Variants in MACROD2 observed in about 807,000 individuals in gnomAD.
The protein encoded by MACROD2 is ADP-ribose glycohydrolase MACROD2.
In MACROD2, 36 loss-of-function variants were observed where a neutral mutation model predicts 70.4. The observed-to-expected ratio is 0.51, with a 90% confidence interval of 0.39 to 0.68. The LOEUF (loss-of-function observed/expected upper bound fraction) is 0.68, where lower values mean the gene tolerates loss of function less well. MACROD2 is among the 30% of genes least tolerant of loss of function. MACROD2 has a pLI of 0.00. For missense variants in MACROD2, 496 were observed against 538.4 expected, an observed-to-expected ratio of 0.92 and a Z score of 0.78; for synonymous variants, 172 against 178.8, an observed-to-expected ratio of 0.96 and a Z score of 0.30.
At chr20:15,641,071 G>C (rs1000501083) in intron 8 of MACROD2, among the ~76,000 whole-genome samples, 4 of 152,220 alleles carry the variant, frequency 2.6e-5, no homozygotes, top group Non-Finnish European at 5.9e-5. Context: ...AATCTAGCCA[G>C]AGCAGGTATA....
intron 4 of MACROD2, among the ~76,000 whole-genome samples, chr20:14,653,767 C>A (rs1445847764): frequency 1.3e-5 from 2 of 152,138 alleles, no homozygotes; most frequent in Non-Finnish European, 2.9e-5. Flanking sequence ...TGCCTTTATT[C>A]TGGCTGCAGG....
chr20:14,577,251 A>G (rs1277417356), intron 4 of MACROD2, among the ~76,000 whole-genome samples: 1 of 152,240 alleles, frequency 6.6e-6, no homozygotes, highest in Non-Finnish European at 1.5e-5. Context: ...AGTATCTTAT[A>G]AATGAAATCC....
At chr20:14,268,488 A>G (rs1348143901) in intron 3 of MACROD2, among the ~76,000 whole-genome samples, 2 of 152,140 alleles carry the variant, frequency 1.3e-5, no homozygotes, top group Non-Finnish European at 2.9e-5. Flanking sequence ...TTTCTTGTAA[A>G]CAAGAAGTGA....
intron 8 of MACROD2, among the ~76,000 whole-genome samples, chr20:15,504,859 C>T (rs550522795): frequency 3.9e-5 from 6 of 152,240 alleles, no homozygotes. Context: ...GAAATGTGGC[C>T]TAGATTTCTA....
chr20:14,578,252 T>C (rs1461527308), intron 4 of MACROD2, among the ~76,000 whole-genome samples: 3 of 151,858 alleles, frequency 2.0e-5, no homozygotes, highest in East Asian at 3.9e-4. Flanking sequence ...AACATAAAAA[T>C]AATAAATATA....
intron 8 of MACROD2, among the ~76,000 whole-genome samples, chr20:15,585,618 C>T (rs2146656204): frequency 6.6e-6 from 1 of 152,328 alleles, no homozygotes; most frequent in African/African-American, 2.4e-5. Flanking sequence ...TCCAAGCTCT[C>T]TCCCCCAGGG....
intron 2 of MACROD2, among the ~76,000 whole-genome samples, chr20:14,049,183 A>ACC (rs1555913498): frequency 6.8e-6 from 1 of 146,120 alleles, no homozygotes; most frequent in African/African-American, 2.5e-5. Flanking sequence ...ATAAAAAAAA[A>ACC]AAAAAACAAA....
intron 3 of MACROD2, among the ~76,000 whole-genome samples, chr20:14,150,835 A>G (rs1166479558): frequency 3.9e-5 from 6 of 152,224 alleles, no homozygotes; most frequent in Non-Finnish European, 7.4e-5. Context: ...TGAATTTACC[A>G]GTACAGGAAA....
chr20:14,840,033 C>CTTTTTTTTTTTTTTTTTTTTTTTT (rs71190154), intron 5 of MACROD2, among the ~76,000 whole-genome samples: 1 of 142,492 alleles, frequency 7.0e-6, no homozygotes, highest in Non-Finnish European at 1.5e-5. Flanking sequence ...GTCTCCATGT[C>CTTTTTTTTTTTTTTTTTTTTTTTT]TTTTTTTTTT....
chr20:15,100,080 ATATT>A (rs2075860628), intron 5 of MACROD2, among the ~76,000 whole-genome samples: 1 of 151,832 alleles, frequency 6.6e-6, no homozygotes, highest in Admixed American at 6.6e-5. Flanking sequence ...TGACATTTGG[ATATT>A]TATTTATTTT....
intron 5 of MACROD2, among the ~76,000 whole-genome samples, chr20:15,191,180 CT>C (rs1286640301): frequency 6.6e-6 from 1 of 152,138 alleles, no homozygotes; most frequent in Non-Finnish European, 1.5e-5. Flanking sequence ...CTCTGGGCAA[CT>C]ATGTAGAATG....
intron 8 of MACROD2, among the ~76,000 whole-genome samples, chr20:15,659,081 A>G (rs1381572910): frequency 6.6e-6 from 1 of 152,194 alleles, no homozygotes; most frequent in Non-Finnish European, 1.5e-5. Context: ...AGGATGGAAT[A>G]TAGTGAGATA....
Position 16,052,949 on chromosome 20 carries a change from T to TTTAC in MACROD2, c.*3077_*3080dup, listed in dbSNP as rs1434914385. On this transcript the variant is annotated 3_prime_UTR_variant, in exon 18 of 18. Coordinates refer to ENST00000684519, the MANE Select transcript of MACROD2 (RefSeq NM_001351661.2). Reference sequence around the variant, plus strand: ...GTAATTTTCTTGATCAAGATATGTTTTTACTTAATGCAAATAAATGTAGTC... The same window carrying TTTAC: ...GTAATTTTCTTGATCAAGATATGTTTTTACTTACTTAATGCAAATAAATGTAGTC... 1 of 152,606 alleles carries TTTAC rather than the reference T, an allele frequency of 6.6e-6. No individual in the cohort carries two copies. Among genetic ancestry groups the TTTAC allele is most frequent in the Non-Finnish European group, 1.5e-5 (1 of 68,040 alleles). The allele number at this position is 152,606 out of a possible 1,614,324, so 9.5% of individuals were successfully genotyped here.
At chr20:14,726,199 G>A (rs1398105375) in intron 5 of MACROD2, among the ~76,000 whole-genome samples, 1 of 152,124 alleles carries the variant, frequency 6.6e-6, no homozygotes, top group Non-Finnish European at 1.5e-5. Context: ...TAAATTTTAA[G>A]GCATATTCCT....
chr20:16,036,957 T>C (rs1302067119), intron 15 of MACROD2, among the ~76,000 whole-genome samples: 3 of 152,026 alleles, frequency 2.0e-5, no homozygotes, highest in African/African-American at 7.2e-5. Flanking sequence ...ATTGGAGTCT[T>C]GGAAAGCAGA....
At chr20:15,778,458 C>A (rs1186247222) in intron 8 of MACROD2, among the ~76,000 whole-genome samples, 1 of 152,206 alleles carries the variant, frequency 6.6e-6, no homozygotes, top group East Asian at 1.9e-4. Context: ...AATAATTGTA[C>A]ATCTTTCTGA....
chr20:14,270,229 AT>A (rs1209304398), intron 3 of MACROD2, among the ~76,000 whole-genome samples: 3 of 152,220 alleles, frequency 2.0e-5, no homozygotes, highest in Admixed American at 2.0e-4. Context: ...ACACACACAT[AT>A]ATGTCTACAT....
chr20:15,136,228 A>C (rs911878626), intron 5 of MACROD2, among the ~76,000 whole-genome samples: 24 of 146,612 alleles, frequency 1.6e-4, no homozygotes, highest in African/African-American at 4.8e-4. Flanking sequence ...GTTCATATGG[A>C]ACCAAAAAAG....
At chr20:15,021,752 A>C (rs185452370) in intron 5 of MACROD2, 1 of 152,104 alleles carries the variant, frequency 6.6e-6, no homozygotes, top group Non-Finnish European at 1.5e-5. Context: ...TCTGTATGAT[A>C]CTGTAATGGT....
Sources: allele counts gnomAD v4.1 joint callset (sites outside exome capture counted in the v4.1 genomes callset), GRCh38; gene constraint gnomAD v4.1.1; transcripts MANE v1.5; gene names NCBI Gene and HGNC (gene_info 2026-07-23, HGNC 2026-07-21).